Variants in TRNT1 observed in about 807,000 individuals in gnomAD.
The protein encoded by TRNT1 is tRNA nucleotidyl transferase 1.
Under a neutral mutation model 45.6 loss-of-function variants are expected in TRNT1, and 44 were observed. That is an observed-to-expected ratio of 0.97 (90% CI 0.76 to 1.24). The LOEUF (loss-of-function observed/expected upper bound fraction) is 1.24, where lower values mean the gene tolerates loss of function less well. Ranked by LOEUF, TRNT1 falls within the 50% of genes most tolerant of loss-of-function variation. The pLI is 0.00. For missense variants in TRNT1, 633 were observed against 504.4 expected (o/e 1.25, Z -2.44); for synonymous variants, 201 against 171.4 (o/e 1.17, Z -1.35).
intron 3 of TRNT1, 70 bp from the exon 4 acceptor site, chr3:3,140,440 A>AT: frequency 2.0e-6 from 3 of 1,525,874 alleles, no homozygotes; most frequent in Non-Finnish European, 2.7e-6. Context: ...ACAAAAACTT[A>AT]TTTTTTTCAA....
downstream of TRNT1, among the ~76,000 whole-genome samples, chr3:3,151,456 T>G (rs1219321466): frequency 6.6e-6 from 1 of 152,014 alleles, no homozygotes; most frequent in Non-Finnish European, 1.5e-5. Flanking sequence ...CTGTCTGAGT[T>G]AAACTGGATG....
downstream of TRNT1, chr3:3,149,119 T>C (rs1706286051): frequency 6.6e-6 from 1 of 152,134 alleles, no homozygotes; most frequent in African/African-American, 2.4e-5. Context: ...TTGTACTCTA[T>C]GAGCAAATAG....
rs1168431515 is a variant in TRNT1, at chr3:3,129,041, ATGCTGAGG to A, written c.5_12del (p.Leu2_?4). 1 of 1,605,988 alleles carries A rather than the reference ATGCTGAGG, an allele frequency of 6.2e-7. No homozygotes were observed. The highest frequency in any genetic ancestry group is 1.3e-5 in the African/African-American group (1 of 74,762). ...GTGTAGTTGGTGACTGCCTCTCCAG[ATGCTGAGG>A]TGCCTGTATCATTGGCACAGGCCAG... is the stretch of plus-strand genomic sequence containing the variant. On this transcript the variant is annotated frameshift_variant and start_lost, in exon 2 of 8. Coordinates refer to ENST00000251607, the MANE Select transcript of TRNT1 (RefSeq NM_182916.3). LOFTEE classifies it high-confidence loss of function.
At chr3:3,153,316 ATGTT>A (rs1393422026), downstream of TRNT1, 1 of 708,026 alleles carries the variant, frequency 1.4e-6, no homozygotes, top group Admixed American at 2.2e-5. Context: ...CATTTGCTAA[ATGTT>A]TGTAACTTTA....
intron 4 of TRNT1, among the ~76,000 whole-genome samples, chr3:3,141,312 T>C (rs911270449): frequency 6.7e-6 from 1 of 150,020 alleles, no homozygotes; most frequent in East Asian, 1.9e-4. Context: ...CACACACACA[T>C]GGTACATGTA....
At chr3:3,149,539 T>C (rs1026232907), downstream of TRNT1, 5 of 152,222 alleles carry the variant, frequency 3.3e-5, no homozygotes, top group Admixed American at 2.0e-4. Context: ...GAGTTCAGCC[T>C]ACAGAGAGGT....
intron 5 of TRNT1, chr3:3,145,502 C>CAAAAAA (rs5846248): frequency 3.4e-5 from 3 of 88,398 alleles, no homozygotes; most frequent in African/African-American, 8.1e-5. Flanking sequence ...GACTCCATCT[C>CAAAAAA]AAAAAAAAAA....
At chr3:3,151,962 G>C (rs1705804), downstream of TRNT1, among the ~76,000 whole-genome samples, 1 of 151,946 alleles carries the variant, frequency 6.6e-6, no homozygotes, top group Non-Finnish European at 1.5e-5. Flanking sequence ...AGTTCTACTG[G>C]GTCATAAGAC....
At chr3:3,146,349 G>C (rs920087201) in intron 5 of TRNT1, 81 bp from the exon 6 acceptor site, 2 of 1,088,088 alleles carry the variant, frequency 1.8e-6, no homozygotes, top group African/African-American at 1.6e-5. Context: ...GTATGGGATA[G>C]TACCAATAAA....
intron 5 of TRNT1, among the ~76,000 whole-genome samples, chr3:3,145,906 T>C (rs1213040301): frequency 6.6e-6 from 1 of 151,838 alleles, no homozygotes; most frequent in Non-Finnish European, 1.5e-5. Flanking sequence ...CGTTAGGGCT[T>C]CCAGTTCTAA....
Position 3,148,251 on chromosome 3 carries a change from C to G in TRNT1, c.*97C>G. 7.4e-7 allele frequency: 1 copy of G among 1,346,516 alleles called. No individual in the cohort carries two copies. The highest frequency in any genetic ancestry group is 1.0e-6 in the Non-Finnish European group (1 of 982,246). 83.4% of individuals were successfully genotyped at this position (1,346,516 alleles called of 1,614,324 possible). A position where few individuals can be genotyped will look rare whatever the true frequency, so the allele number is the denominator to read the frequency against. ...TTAGAGACTACACCAGAATAAAAGA[C>G]AGTTTAGGGGACCTCTGTAGAACAA... On this transcript the variant is annotated 3_prime_UTR_variant, in exon 8 of 8. Transcript: ENST00000251607.
At position 3,148,419 on chromosome 3, in the gene TRNT1, C is replaced by T; in HGVS notation, c.*265C>T. The T allele has an allele frequency of 3.2e-6, 1 of 316,908 alleles. No homozygotes were observed. The highest frequency in any genetic ancestry group is 5.8e-6 in the Non-Finnish European group (1 of 171,432). The allele number at this position is 316,908 out of a possible 1,614,324, so 19.6% of individuals were successfully genotyped here. ...CATAGTTGGCTATTATCTATCTTAA[C>T]CTGTTCAGGCTTTTAAAAAAAACTG... is the stretch of plus-strand genomic sequence containing the variant. On this transcript the variant is annotated 3_prime_UTR_variant, in exon 8 of 8. Coordinates refer to ENST00000251607, the MANE Select transcript of TRNT1 (RefSeq NM_182916.3).
At chr3:3,133,229 T>G (rs1705123442) in intron 2 of TRNT1, among the ~76,000 whole-genome samples, 1 of 152,108 alleles carries the variant, frequency 6.6e-6, no homozygotes, top group South Asian at 2.1e-4. Flanking sequence ...TCTTTTTGCT[T>G]CAGTACAATC....
chr3:3,147,708 G>T lies in TRNT1; in HGVS notation c.1056+5G>T. The T allele has an allele frequency of 6.2e-7, 1 of 1,604,086 alleles. No homozygotes were observed. The highest frequency in any genetic ancestry group is 8.5e-7 in the Non-Finnish European group (1 of 1,175,488). On this transcript the variant is annotated splice_donor_5th_base_variant and intron_variant, in intron 7 of 7. Transcript: ENST00000251607. The stretch of plus-strand genomic sequence containing the variant: ...TATCAAGACTTCATTATAGATGTAA[G>T]TATATACTAGGCTTGGTCAGAAATA...
intron 4 of TRNT1, among the ~76,000 whole-genome samples, chr3:3,142,867 T>G (rs1415835458): frequency 1.3e-5 from 2 of 152,236 alleles, no homozygotes; most frequent in African/African-American, 4.8e-5. Context: ...TTTTATCATT[T>G]TCTTTTATGT....
At position 3,148,012 on chromosome 3, in the gene TRNT1, T is replaced by TAAG. The variant is rs1393809805; in HGVS notation, c.1164_1166dup (p.Val388_Ser389insArg). On this transcript the variant is annotated inframe_insertion, in exon 8 of 8. Transcript: ENST00000251607. Reference sequence around the variant, plus strand: ...CAGTGGTCCATTCCTCCATTTCCTGTAAGTGGCCATGACATCAGAAAAGTG... The same window carrying TAAG: ...CAGTGGTCCATTCCTCCATTTCCTGTAAGAAGTGGCCATGACATCAGAAAAGTG... 3.7e-6 allele frequency: 6 copies of TAAG among 1,613,902 alleles called. No individual in the cohort carries two copies. The highest frequency in any genetic ancestry group is 1.3e-5 in the African/African-American group (1 of 74,906).
chr3:3,149,654 A>G (rs1706343695), downstream of TRNT1: 1 of 152,114 alleles, frequency 6.6e-6, no homozygotes, highest in African/African-American at 2.4e-5. Flanking sequence ...CAAAATTATT[A>G]AAGTAGTAAA....
chr3:3,144,433 G>C (rs534550251), intron 4 of TRNT1, 151 bp from the exon 5 acceptor site: 2 of 648,168 alleles, frequency 3.1e-6, no homozygotes, highest in African/African-American at 1.9e-5. Flanking sequence ...TCTTCCATTT[G>C]ATAGTTGATA....
chr3:3,136,386 G>C (rs1257302554), intron 2 of TRNT1, among the ~76,000 whole-genome samples: 1 of 152,136 alleles, frequency 6.6e-6, no homozygotes, highest in African/African-American at 2.4e-5. Flanking sequence ...CTATGTAGTT[G>C]CTTATAGTTG....
Sources: allele counts gnomAD v4.1 joint callset (sites outside exome capture counted in the v4.1 genomes callset), GRCh38; gene constraint gnomAD v4.1.1; transcripts MANE v1.5; gene names NCBI Gene and HGNC (gene_info 2026-07-23, HGNC 2026-07-21).